CACNA2D3: variants seen among roughly 807,000 people sequenced by gnomAD.
CACNA2D3 encodes voltage-dependent calcium channel subunit alpha-2/delta-3.
Under a neutral mutation model 160.6 loss-of-function variants are expected in CACNA2D3, and 60 were observed. The ratio of observed to expected loss-of-function variants is 0.37; its 90% confidence interval spans 0.30 to 0.46. The LOEUF (loss-of-function observed/expected upper bound fraction) is 0.46. Ranked by LOEUF, CACNA2D3 falls within the 20% of genes least tolerant of loss-of-function variation. The pLI is 1.00. For synonymous variants in CACNA2D3, 558 were observed against 492.9 expected, an observed-to-expected ratio of 1.13 and a Z score of -1.75; for missense variants, 1,205 against 1,365.0, an observed-to-expected ratio of 0.88 and a Z score of 1.85.
At chr3:54,662,386 C>G (rs1699989819) in intron 11 of CACNA2D3, among the ~76,000 whole-genome samples, 1 of 152,178 alleles carries the variant, frequency 6.6e-6, no homozygotes, top group Non-Finnish European at 1.5e-5. Context: ...AGTGACTAAT[C>G]TATTAGGACT....
intron 4 of CACNA2D3, among the ~76,000 whole-genome samples, chr3:54,445,046 G>C (rs1231012539): frequency 1.3e-5 from 2 of 152,330 alleles, no homozygotes; most frequent in East Asian, 3.9e-4. Flanking sequence ...GGAGAATGCA[G>C]ACTCCAGAGC....
chr3:55,062,716 T>C (rs955811911), intron 35 of CACNA2D3, among the ~76,000 whole-genome samples: 1 of 152,210 alleles, frequency 6.6e-6, no homozygotes, highest in African/African-American at 2.4e-5. Context: ...ATTTGTTTTC[T>C]TATTTGTTTT....
intron 3 of CACNA2D3, among the ~76,000 whole-genome samples, chr3:54,345,846 A>T (rs79902647): frequency 0.099 from 12,066 of 121,922 alleles, 586 homozygotes; most frequent in African/African-American, 0.14. Context: ...TTTTTTTTTT[A>T]AAAAAATTGC....
intron 13 of CACNA2D3, among the ~76,000 whole-genome samples, chr3:54,806,257 C>G (rs1703119061): frequency 6.6e-6 from 1 of 152,138 alleles, no homozygotes; most frequent in Non-Finnish European, 1.5e-5. Flanking sequence ...AAGAGGAAGT[C>G]AAATTGTCCC....
chr3:54,767,654 C>T (rs1702248849), intron 13 of CACNA2D3, among the ~76,000 whole-genome samples: 1 of 152,014 alleles, frequency 6.6e-6, no homozygotes, highest in African/African-American at 2.4e-5. Flanking sequence ...TATTCCAGGG[C>T]TGCAGCAGAG....
At chr3:54,719,726 T>C (rs1212295507) in intron 11 of CACNA2D3, among the ~76,000 whole-genome samples, 2 of 152,046 alleles carry the variant, frequency 1.3e-5, no homozygotes, top group Non-Finnish European at 2.9e-5. Context: ...TTGTTACTTC[T>C]TCCTTAATTG....
chr3:54,137,710 T>C (rs1356639865), intron 2 of CACNA2D3, among the ~76,000 whole-genome samples: 1 of 152,108 alleles, frequency 6.6e-6, no homozygotes, highest in Non-Finnish European at 1.5e-5. Context: ...TTTTGTACTT[T>C]ATTCTATTAT....
intron 31 of CACNA2D3, 65 bp from the exon 32 acceptor site, chr3:55,004,698 C>T (rs1201365712): frequency 2.9e-6 from 3 of 1,046,990 alleles, no homozygotes; most frequent in South Asian, 2.6e-5. Context: ...CCTTGTAGTA[C>T]ATAGCATCAA....
At chr3:54,821,695 T>TC (rs879916946) in intron 14 of CACNA2D3, among the ~76,000 whole-genome samples, 6,690 of 118,328 alleles carry the variant, frequency 0.057, 155 homozygotes, top group Admixed American at 0.078. Context: ...TTTCTTTCTT[T>TC]CTTTCCTTCC....
At chr3:54,969,669 A>C (rs978535368) in intron 28 of CACNA2D3, 131 bp from the exon 29 acceptor site, 5 of 659,838 alleles carry the variant, frequency 7.6e-6, no homozygotes, top group Non-Finnish European at 1.4e-5. Flanking sequence ...CTTTTCAATG[A>C]AATTGGGTAT....
At chr3:54,190,378 G>A (rs1287603465) in intron 2 of CACNA2D3, among the ~76,000 whole-genome samples, 2 of 152,202 alleles carry the variant, frequency 1.3e-5, no homozygotes, top group African/African-American at 4.8e-5. Context: ...TCTGTAGAAG[G>A]GAGAGAGAAT....
intron 2 of CACNA2D3, among the ~76,000 whole-genome samples, chr3:54,225,940 A>G (rs564624639): frequency 6.6e-6 from 1 of 152,234 alleles, no homozygotes; most frequent in Admixed American, 6.5e-5. Flanking sequence ...AGGAGCAGTG[A>G]GTTCACCTTC....
chr3:54,475,982 A>G (rs1700823440), intron 4 of CACNA2D3, among the ~76,000 whole-genome samples: 1 of 151,292 alleles, frequency 6.6e-6, no homozygotes, highest in African/African-American at 2.4e-5. Flanking sequence ...CCTTTGACCA[A>G]CATCTCCCCC....
At chr3:54,966,688 G>A (rs1702159081) in intron 27 of CACNA2D3, among the ~76,000 whole-genome samples, 1 of 152,012 alleles carries the variant, frequency 6.6e-6, no homozygotes, top group Admixed American at 6.5e-5. Context: ...GTGTGGTGGT[G>A]CACACCTGTA....
intron 17 of CACNA2D3, among the ~76,000 whole-genome samples, chr3:54,846,806 A>T (rs140879359): frequency 0.011 from 1,733 of 152,298 alleles, 35 homozygotes; most frequent in African/African-American, 0.039. Flanking sequence ...TAATACATGG[A>T]CACTCATACT....
At chr3:54,375,359 T>G (rs1698995804) in intron 3 of CACNA2D3, among the ~76,000 whole-genome samples, 1 of 152,278 alleles carries the variant, frequency 6.6e-6, no homozygotes, top group Middle Eastern at 3.4e-3. Context: ...TAATAGATAT[T>G]TTTTAATTTG....
At chr3:54,382,928 G>A (rs558197001) in intron 3 of CACNA2D3, among the ~76,000 whole-genome samples, 1 of 152,238 alleles carries the variant, frequency 6.6e-6, no homozygotes, top group Admixed American at 6.5e-5. Flanking sequence ...GCTCACTGCA[G>A]CCTCTGCCTC....
intron 2 of CACNA2D3, among the ~76,000 whole-genome samples, chr3:54,259,555 T>C (rs901516116): frequency 1.3e-5 from 2 of 152,098 alleles, no homozygotes; most frequent in Non-Finnish European, 2.9e-5. Flanking sequence ...TACCGTGTGG[T>C]GGGATTGAAA....
chr3:54,968,079 T>G (rs1245492787), intron 27 of CACNA2D3, among the ~76,000 whole-genome samples: 1 of 152,142 alleles, frequency 6.6e-6, no homozygotes, highest in Non-Finnish European at 1.5e-5. Context: ...GTTCAAACAG[T>G]AATAGCTGAC....
Sources: gnomAD v4.1 joint callset for allele counts (sites outside exome capture counted in the v4.1 genomes callset) on GRCh38, gnomAD v4.1.1 for gene constraint, MANE v1.5 for transcripts, NCBI Gene and HGNC (gene_info 2026-07-23, HGNC 2026-07-21) for gene names.